PDZD2: variants seen among roughly 807,000 people sequenced by gnomAD.
The protein encoded by PDZD2 is PDZ domain containing 2.
Under a neutral mutation model 220.7 loss-of-function variants are expected in PDZD2, and 90 were observed. The ratio of observed to expected loss-of-function variants is 0.41; its 90% CI spans 0.34 to 0.49. The LOEUF is 0.49. PDZD2 is among the 20% of genes least tolerant of loss of function. The probability of loss-of-function intolerance (pLI) is 0.28; values close to 1 mark genes in which losing one functional copy is unlikely to be tolerated. For missense variants in PDZD2, 3,174 were observed against 3,608.5 expected (o/e 0.88, Z 3.08); for synonymous variants, 1,375 against 1,450.5 (o/e 0.95, Z 1.18).
At chr5:32,080,669 T>C (rs1268678445) in intron 19 of PDZD2, among the ~76,000 whole-genome samples, 1 of 152,200 alleles carries the variant, frequency 6.6e-6, no homozygotes. Flanking sequence ...AGGCCAGTTT[T>C]TGTCAATACT....
chr5:31,854,346 G>GCTC (rs1467698568), intron 2 of PDZD2, among the ~76,000 whole-genome samples: 1 of 152,320 alleles, frequency 6.6e-6, no homozygotes, highest in African/African-American at 2.4e-5. Flanking sequence ...AAGGTGGGAG[G>GCTC]GGTAGGGGAG....
At chr5:31,696,058 C>A (rs528013777) in intron 1 of PDZD2, among the ~76,000 whole-genome samples, 1 of 152,076 alleles carries the variant, frequency 6.6e-6, no homozygotes, top group Non-Finnish European at 1.5e-5. Flanking sequence ...AGCTTGTACA[C>A]CCACTGAGCA....
chr5:31,889,013 C>T lies in PDZD2; in HGVS notation c.476+89289C>T, dbSNP rs542580963. 3.9e-5 allele frequency among the ~76,000 whole-genome samples: 6 copies of T among 152,258 alleles called. No homozygotes were observed. The East Asian group carries it at 5.8e-4, about 15-fold the overall frequency. On this transcript the variant is annotated intron_variant, in intron 2 of 24. Coordinates refer to ENST00000438447, the MANE Select transcript of PDZD2 (RefSeq NM_178140.4). ...TCCTCAGTTTCTTGATGCTCCTCCC[C>T]GAGCCCCCTCCCCTATCACGTATGT...
At chr5:32,091,501 T>G (rs1357460148) in intron 20 of PDZD2, among the ~76,000 whole-genome samples, 1 of 151,980 alleles carries the variant, frequency 6.6e-6, no homozygotes, top group Non-Finnish European at 1.5e-5. Flanking sequence ...GTCAGGCTGG[T>G]CTCAAACTCC....
intron 6 of PDZD2, among the ~76,000 whole-genome samples, chr5:32,027,131 T>C (rs1283439946): frequency 6.6e-6 from 1 of 152,124 alleles, no homozygotes; most frequent in African/African-American, 2.4e-5. Context: ...CTTGAACTCC[T>C]GACCTCAGGT....
At chr5:31,649,335 C>T (rs763626434) in intron 1 of PDZD2, among the ~76,000 whole-genome samples, 10 of 151,964 alleles carry the variant, frequency 6.6e-5, no homozygotes, top group Non-Finnish European at 1.0e-4. Context: ...GCCTGACATG[C>T]TGTACTTCTT....
chr5:31,641,172 C>G (rs555231108), intron 1 of PDZD2, among the ~76,000 whole-genome samples: 1 of 152,128 alleles, frequency 6.6e-6, no homozygotes, highest in Non-Finnish European at 1.5e-5. Context: ...GATGCTCCCT[C>G]GCTGCTGTCA....
intron 1 of PDZD2, among the ~76,000 whole-genome samples, chr5:31,744,914 CA>C (rs890309199): frequency 6.6e-6 from 1 of 150,474 alleles, no homozygotes; most frequent in Non-Finnish European, 1.5e-5. Context: ...ACTAAAAATA[CA>C]AAAAAAAATT....
chr5:31,992,665 C>T (rs1466476030), intron 3 of PDZD2, among the ~76,000 whole-genome samples: 1 of 152,094 alleles, frequency 6.6e-6, no homozygotes, highest in East Asian at 1.9e-4. Flanking sequence ...TAGGTTTTTA[C>T]TAATTTGCGC....
intron 1 of PDZD2, among the ~76,000 whole-genome samples, chr5:31,721,023 G>A (rs554818151): frequency 6.6e-6 from 1 of 152,286 alleles, no homozygotes; most frequent in East Asian, 1.9e-4. Context: ...CAAGGCAGGA[G>A]GAGGTTGGAG....
At chr5:31,715,465 G>A (rs1197710476) in intron 1 of PDZD2, among the ~76,000 whole-genome samples, 1 of 152,200 alleles carries the variant, frequency 6.6e-6, no homozygotes, top group Non-Finnish European at 1.5e-5. Context: ...TCTATTTTGT[G>A]ATCATTAAGA....
chr5:32,077,452 A>G lies in PDZD2; in HGVS notation c.3538-10A>G, dbSNP rs770639049. 3 of 1,613,098 alleles carry G rather than the reference A, an allele frequency of 1.9e-6. No individual in the cohort carries two copies. The East Asian group carries it at 6.7e-5, about 36-fold the overall frequency. Reference sequence around the variant, plus strand: ...TTATTTCAAGTGGCTTGTGGTTGTCATTGTGCCAGGAATCTCTGGGAAAGC... The same window carrying G: ...TTATTTCAAGTGGCTTGTGGTTGTCGTTGTGCCAGGAATCTCTGGGAAAGC... On this transcript the variant is annotated splice_polypyrimidine_tract_variant and intron_variant, in intron 18 of 24. Coordinates refer to ENST00000438447, the MANE Select transcript of PDZD2 (RefSeq NM_178140.4).
intron 2 of PDZD2, among the ~76,000 whole-genome samples, chr5:31,815,548 T>C (rs556711913): frequency 2.0e-5 from 3 of 152,300 alleles, no homozygotes; most frequent in South Asian, 4.1e-4. Context: ...AGAGTCTGTT[T>C]TGTCTGTCTT....
intron 1 of PDZD2, among the ~76,000 whole-genome samples, chr5:31,712,463 TC>T (rs1748178472): frequency 7.9e-6 from 1 of 126,630 alleles, no homozygotes; most frequent in Non-Finnish European, 1.8e-5. Context: ...TCTCTCTCTC[TC>T]TCTCTCTCTC....
rs147236852 is a variant in PDZD2 at position 31,738,099 on chromosome 5, G to A, written c.-360-60790G>A. Among the ~76,000 whole-genome samples the A allele has an allele frequency of 1.1e-3, 173 of 152,304 alleles. 1 individual carries two copies. Among genetic ancestry groups the A allele is most frequent in the African/African-American group, 4.0e-3 (168 of 41,566 alleles). On this transcript the variant is annotated intron_variant, in intron 1 of 24. Transcript: ENST00000438447. ...GATCACAAGATATGAAATCTACAAT[G>A]TATTCAGATCATGGGAATTTTTCCC... is the stretch of plus-strand genomic sequence containing the variant.
chr5:31,766,608 C>T lies in PDZD2; in HGVS notation c.-360-32281C>T, dbSNP rs142231771. On this transcript the variant is annotated intron_variant, in intron 1 of 24. Transcript: ENST00000438447. ...GGTTTCACCATGTTGCCTAGGCTGG[C>T]CTCTAACTCTTGGGCTTAAGACATC... 5.4e-3 allele frequency among the ~76,000 whole-genome samples: 816 copies of T among 152,180 alleles called. 8 individuals carry two copies. Among genetic ancestry groups the T allele is most frequent in the African/African-American group, 0.019 (777 of 41,510 alleles).
chr5:32,098,511 G>A lies in PDZD2; in HGVS notation c.8095G>A (p.Asp2699Asn), dbSNP rs1743947321. 6.2e-7 allele frequency: 1 copy of A among 1,614,082 alleles called. No homozygotes were observed. ...TCTGCACCAGGCACAGCTGCACAAA[G>A]ATGCCCTCGTGGTCATCAAGAAAGG... ...KVLHQAQLHK[D>N]ALVVIKKGMD... Residue 2699 changes from aspartate (D) to asparagine (N), a missense_variant, in exon 23 of 25, where the codon GAT becomes AAT. By Grantham distance (23) the Asp-to-Asn change is conservative. Transcript: ENST00000438447. The surrounding 1 kb of genome is among the most constrained non-coding windows in gnomAD (Gnocchi z 4.1).
chr5:32,038,182 T>TAA (rs547581515), intron 7 of PDZD2, among the ~76,000 whole-genome samples: 1,918 of 108,992 alleles, frequency 0.018, 69 homozygotes, highest in African/African-American at 0.064. Flanking sequence ...TTTCCTCCAT[T>TAA]AAAAAAAAAA....
intron 2 of PDZD2, chr5:31,923,288 TA>T: frequency 1.7e-6 from 1 of 584,926 alleles, no homozygotes. Context: ...TAAGTAAAAA[TA>T]AAAATAACTT....
Sources: gnomAD v4.1 joint callset for allele counts (sites outside exome capture counted in the v4.1 genomes callset) on GRCh38, gnomAD v4.1.1 for gene constraint, Gnocchi (gnomAD v3.1) non-coding constraint, MANE v1.5 for transcripts, NCBI Gene and HGNC (gene_info 2026-07-23, HGNC 2026-07-21) for gene names.